The following ATP13A4 variants were observed in gnomAD, a reference collection of about 807,000 sequenced individuals.
ATP13A4 encodes the protein ATPase 13A4.
Under a neutral mutation model 142.5 loss-of-function variants are expected in ATP13A4, and 114 were observed. That is an observed-to-expected ratio of 0.80 (90% CI 0.69 to 0.93). The LOEUF (loss-of-function observed/expected upper bound fraction) is 0.93, where lower values mean the gene tolerates loss of function less well. Ranked by LOEUF, ATP13A4 falls within the 40% of genes least tolerant of loss-of-function variation. The pLI is 0.00. For synonymous variants in ATP13A4, 488 were observed against 514.8 expected (o/e 0.95, Z 0.70); for missense variants, 1,392 against 1,454.0 (o/e 0.96, Z 0.69).
chr3:193,425,043 TGACAA>T (rs1413877127), intron 25 of ATP13A4, among the ~76,000 whole-genome samples: 1 of 148,652 alleles, frequency 6.7e-6, no homozygotes, highest in Non-Finnish European at 1.5e-5. Context: ...AAAAAATACC[TGACAA>T]GACATTTCTC....
Position 193,402,777 on chromosome 3 carries a change from T to C in ATP13A4, c.3466A>G (p.Arg1156Gly), listed in dbSNP as rs771987417. 32 of 1,614,100 alleles carry C rather than the reference T, an allele frequency of 2.0e-5. No homozygotes were observed. Among genetic ancestry groups the C allele is most frequent in the Non-Finnish European group, 2.5e-5 (30 of 1,180,002 alleles). The change falls in exon 30 of 30, where the codon AGG becomes GGG. Residue 1156 changes from arginine to glycine, a missense_variant. Physicochemically the swap from Arg to Gly is moderately radical, Grantham distance 125. Coordinates refer to ENST00000342695, the MANE Select transcript of ATP13A4 (RefSeq NM_032279.4). ...QSKSQYRIWQ[R>G]DLANDPSWPP... is the part of the protein sequence containing the mutation. ...CAACTAGGGTCATTTGCCAAGTCCC[T>C]CTGCCATATCCGATACTGGCTTTTT...
At chr3:193,455,182 C>CAA (rs891290695) in intron 16 of ATP13A4, among the ~76,000 whole-genome samples, 1 of 150,002 alleles carries the variant, frequency 6.7e-6, no homozygotes, top group African/African-American at 2.4e-5. Flanking sequence ...ACTAAAAATA[C>CAA]AAAAAAAAAT....
chr3:193,453,294 AAG>A (rs1361129482), intron 17 of ATP13A4, among the ~76,000 whole-genome samples: 3 of 152,218 alleles, frequency 2.0e-5, no homozygotes, highest in African/African-American at 7.2e-5. Flanking sequence ...ATATAGTTAC[AAG>A]AGAGTGTTGA....
intron 1 of ATP13A4, among the ~76,000 whole-genome samples, chr3:193,545,510 T>C (rs1723167949): frequency 6.6e-6 from 1 of 152,210 alleles, no homozygotes. Context: ...GCCTTTCAAC[T>C]CTACCCAGCC....
intron 2 of ATP13A4, chr3:193,579,191 C>T (rs1724476007): frequency 6.4e-6 from 1 of 157,444 alleles, no homozygotes; most frequent in Non-Finnish European, 1.4e-5. Context: ...ACAGAGGTAT[C>T]AATGGTGAGT....
In ATP13A4 at chr3:193,437,843, T is replaced by TTTG. The variant is rs1553838964; in HGVS notation, c.2672+631_2672+632insCAA. 3.7e-3 allele frequency among the ~76,000 whole-genome samples: 549 copies of TTTG among 148,134 alleles called. 2 individuals are homozygous for TTTG. Among genetic ancestry groups the TTTG allele is most frequent in the African/African-American group, 0.013 (533 of 39,822 alleles). Reference sequence around the variant, plus strand: ...AATAAAGATTTTTTTTTTTTTTTTTTTTTTTTGAGACAGAGACTTGCTCTG... The same window carrying TTTG: ...AATAAAGATTTTTTTTTTTTTTTTTTTTGTTTTTTGAGACAGAGACTTGCTCTG... On this transcript the variant is annotated intron_variant, in intron 23 of 29. Coordinates refer to ENST00000342695, the MANE Select transcript of ATP13A4 (RefSeq NM_032279.4).
intron 25 of ATP13A4, chr3:193,417,163 C>T (rs978877473): frequency 2.0e-5 from 3 of 152,136 alleles, no homozygotes; most frequent in African/African-American, 7.2e-5. Context: ...ATTAAGACAT[C>T]CCAGATAAAC....
chr3:193,471,342 C>T (rs1718611735), intron 8 of ATP13A4, among the ~76,000 whole-genome samples: 1 of 152,080 alleles, frequency 6.6e-6, no homozygotes, highest in Admixed American at 6.6e-5. Context: ...GCGGGAGAAT[C>T]ACTTGAGCCT....
intron 2 of ATP13A4, among the ~76,000 whole-genome samples, chr3:193,576,493 G>A (rs553235452): frequency 5.4e-4 from 81 of 150,472 alleles, no homozygotes; most frequent in African/African-American, 1.9e-3. Context: ...GGATGGTCTC[G>A]ATCTCCTGAC....
chr3:193,512,654 A>T (rs189363449), intron 2 of ATP13A4, among the ~76,000 whole-genome samples: 29 of 152,282 alleles, frequency 1.9e-4, no homozygotes, highest in African/African-American at 7.0e-4. Context: ...TGGGACTGGG[A>T]CCCAGCAAGC....
At chr3:193,564,581 C>T (rs946749124) in intron 2 of ATP13A4, among the ~76,000 whole-genome samples, 3 of 152,158 alleles carry the variant, frequency 2.0e-5, no homozygotes, top group African/African-American at 7.2e-5. Flanking sequence ...GTGATGGTTT[C>T]ACAGATACAC....
At chr3:193,547,598 T>C (rs1305269048) in intron 1 of ATP13A4, among the ~76,000 whole-genome samples, 2 of 152,216 alleles carry the variant, frequency 1.3e-5, no homozygotes, top group South Asian at 4.1e-4. Context: ...TTTCTTTGAC[T>C]AAATTGTTCC....
chr3:193,461,504 T>C (rs552871942), intron 13 of ATP13A4, among the ~76,000 whole-genome samples: 4 of 152,218 alleles, frequency 2.6e-5, no homozygotes, highest in African/African-American at 4.8e-5. Context: ...AGTTTAACAC[T>C]TTCAGAGGCC....
chr3:193,508,872 C>T (rs370210954), intron 2 of ATP13A4, among the ~76,000 whole-genome samples: 24 of 152,050 alleles, frequency 1.6e-4, no homozygotes, highest in African/African-American at 5.1e-4. Flanking sequence ...CTTAATTCAA[C>T]GTATTAAATT....
chr3:193,407,533 T>C, intron 28 of ATP13A4, 140 bp from the exon 29 acceptor site: 1 of 560,866 alleles, frequency 1.8e-6, no homozygotes, highest in Non-Finnish European at 3.1e-6. Context: ...ATATCTTATA[T>C]ATATAAAAAA....
At chr3:193,427,683 A>G (rs1419912916) in intron 25 of ATP13A4, among the ~76,000 whole-genome samples, 2 of 152,230 alleles carry the variant, frequency 1.3e-5, no homozygotes, top group Non-Finnish European at 2.9e-5. Flanking sequence ...AAAACAAGAA[A>G]TGGGGAAATG....
At chr3:193,420,659 TAGG>T (rs1396941115) in intron 25 of ATP13A4, among the ~76,000 whole-genome samples, 2 of 149,018 alleles carry the variant, frequency 1.3e-5, no homozygotes, top group African/African-American at 4.9e-5. Context: ...TTAGGAAAAT[TAGG>T]AGAAGAGTTT....
chr3:193,488,980 C>T (rs1260835361), intron 7 of ATP13A4, among the ~76,000 whole-genome samples: 5 of 152,034 alleles, frequency 3.3e-5, no homozygotes, highest in South Asian at 2.1e-4. Flanking sequence ...GAGGGGGCTG[C>T]GGAGATGAGT....
At position 193,438,421 on chromosome 3, in the gene ATP13A4, T is replaced by G. The variant is rs145999767; in HGVS notation, c.2672+54A>C. ...GTCTTTCCCAGGCAGAACAATGTGA[T>G]TTGCACCAGAAGTCAAGAGAGAGAA... On this transcript the variant is annotated intron_variant, in intron 23 of 29. Transcript: ENST00000342695. 4.2e-4 allele frequency: 597 copies of G among 1,409,776 alleles called. 1 individual carries two copies. The African/African-American group carries it at 7.6e-3, about 18-fold the overall frequency. The allele number at this position is 1,409,776 out of a possible 1,614,324, so 87.3% of individuals were successfully genotyped here.
Sources: allele counts gnomAD v4.1 joint callset (sites outside exome capture counted in the v4.1 genomes callset), GRCh38; gene constraint gnomAD v4.1.1; transcripts MANE v1.5; gene names NCBI Gene and HGNC (gene_info 2026-07-23, HGNC 2026-07-21).